PSMA8: variants seen among roughly 807,000 people sequenced by gnomAD.
PSMA8 encodes the protein proteasome subunit alpha-type 8.
PSMA8 carries 18 observed loss-of-function variants against 32.4 expected under a neutral mutation model. That is an observed-to-expected ratio of 0.56 (90% confidence interval 0.38 to 0.82). The LOEUF is 0.82. Ranked by LOEUF, PSMA8 falls within the 40% of genes least tolerant of loss-of-function variation. The pLI is 0.00. For synonymous variants in PSMA8, 104 were observed against 98.1 expected, an observed-to-expected ratio of 1.06 and a Z score of -0.36; for missense variants, 298 against 300.7, an observed-to-expected ratio of 0.99 and a Z score of 0.07.
At chr18:26,141,022 TTGTA>T (rs1214059917) in intron 1 of PSMA8, among the ~76,000 whole-genome samples, 33 of 152,206 alleles carry the variant, frequency 2.2e-4, no homozygotes, top group Non-Finnish European at 4.6e-4. Flanking sequence ...TTTTCCACAC[TTGTA>T]TGTATTTCTT....
At chr18:26,151,090 A>G (rs1385532115) in intron 2 of PSMA8, among the ~76,000 whole-genome samples, 1 of 152,240 alleles carries the variant, frequency 6.6e-6, no homozygotes. Context: ...CATATTAACT[A>G]TCTTCAGGGA....
chr18:26,169,194 C>A (rs1388440780), intron 4 of PSMA8, among the ~76,000 whole-genome samples: 1 of 131,634 alleles, frequency 7.6e-6, no homozygotes, highest in Non-Finnish European at 1.5e-5. Context: ...GTTGCCCAAG[C>A]TGGTCTCAAG....
At chr18:26,175,643 C>T (rs1377231595) in intron 4 of PSMA8, among the ~76,000 whole-genome samples, 1 of 152,154 alleles carries the variant, frequency 6.6e-6, no homozygotes, top group African/African-American at 2.4e-5. Context: ...GTTTTTGTTT[C>T]TGGAGGTGTA....
intron 3 of PSMA8, among the ~76,000 whole-genome samples, chr18:26,153,054 G>C (rs1011999711): frequency 6.6e-6 from 1 of 152,072 alleles, no homozygotes; most frequent in African/African-American, 2.4e-5. Flanking sequence ...GATCAGATAT[G>C]ATTTCTCCTC....
At chr18:26,162,595 G>A (rs140889092) in intron 4 of PSMA8, among the ~76,000 whole-genome samples, 6 of 152,306 alleles carry the variant, frequency 3.9e-5, no homozygotes, top group African/African-American at 1.2e-4. Context: ...GCTGGGCGCG[G>A]TGTCTCATGC....
chr18:26,171,471 CG>C (rs1254745761), intron 4 of PSMA8, among the ~76,000 whole-genome samples: 4 of 152,194 alleles, frequency 2.6e-5, no homozygotes, highest in African/African-American at 9.7e-5. Context: ...CAGTGGCTCA[CG>C]CCTGTAATCC....
chr18:26,179,039 A>G, intron 5 of PSMA8, 29 bp from the exon 6 acceptor site: 1 of 1,608,892 alleles, frequency 6.2e-7, no homozygotes, highest in Non-Finnish European at 8.5e-7. Flanking sequence ...TGCTGAAATA[A>G]TTCTAATAGT....
At chr18:26,178,556 G>T (rs983764250) in intron 4 of PSMA8, among the ~76,000 whole-genome samples, 1 of 150,054 alleles carries the variant, frequency 6.7e-6, no homozygotes, top group Non-Finnish European at 1.5e-5. Context: ...CTATAATTGT[G>T]CCACTACTGC....
intron 2 of PSMA8, among the ~76,000 whole-genome samples, chr18:26,148,673 T>A (rs962111743): frequency 6.6e-6 from 1 of 152,048 alleles, no homozygotes; most frequent in African/African-American, 2.4e-5. Context: ...CCAGAGCAGT[T>A]AGGAAAGAAA....
chr18:26,142,285 C>G (rs1353265887), intron 1 of PSMA8, among the ~76,000 whole-genome samples: 1 of 152,024 alleles, frequency 6.6e-6, no homozygotes, highest in African/African-American at 2.4e-5. Flanking sequence ...GTGATCCACC[C>G]ACCTCGGCCT....
intron 6 of PSMA8, among the ~76,000 whole-genome samples, chr18:26,190,816 C>T (rs180932062): frequency 5.9e-5 from 9 of 152,282 alleles, no homozygotes; most frequent in African/African-American, 2.2e-4. Flanking sequence ...CAAGTAATAC[C>T]ACATCACTTT....
intron 1 of PSMA8, 74 bp downstream of exon 1, chr18:26,134,141 C>A: frequency 1.9e-6 from 2 of 1,072,572 alleles, no homozygotes; most frequent in African/African-American, 1.5e-5. Context: ...TGCCCCAGCC[C>A]ACCTTTCCAT....
chr18:26,165,514 A>C (rs1194201148), intron 4 of PSMA8, among the ~76,000 whole-genome samples: 6 of 152,218 alleles, frequency 3.9e-5, no homozygotes, highest in African/African-American at 7.2e-5. Context: ...ATTTGGCTAT[A>C]AACAGGAGCA....
intron 4 of PSMA8, among the ~76,000 whole-genome samples, chr18:26,158,544 C>T (rs375347912): frequency 2.6e-5 from 4 of 152,198 alleles, no homozygotes; most frequent in East Asian, 1.9e-4. Context: ...ACTATATAGA[C>T]GCTTGCTTCA....
intron 4 of PSMA8, among the ~76,000 whole-genome samples, chr18:26,159,893 T>C (rs575711326): frequency 1.1e-3 from 172 of 150,766 alleles, no homozygotes; most frequent in Non-Finnish European, 2.1e-3. Context: ...GAGGGAAATA[T>C]TACGCAGCTT....
chr18:26,173,484 C>T (rs2055240288), intron 4 of PSMA8, among the ~76,000 whole-genome samples: 1 of 151,986 alleles, frequency 6.6e-6, no homozygotes, highest in South Asian at 2.1e-4. Context: ...TTACATATTT[C>T]CTTGTTTACC....
intron 3 of PSMA8, among the ~76,000 whole-genome samples, chr18:26,157,611 T>G (rs988890691): frequency 6.6e-6 from 1 of 152,178 alleles, no homozygotes; most frequent in Non-Finnish European, 1.5e-5. Flanking sequence ...TTTCTTGTTT[T>G]GGGAATGAAA....
intron 2 of PSMA8, among the ~76,000 whole-genome samples, 175 bp from the exon 3 acceptor site, chr18:26,151,683 A>C (rs1345146187): frequency 1.3e-5 from 2 of 152,258 alleles, no homozygotes; most frequent in African/African-American, 4.8e-5. Context: ...ATCTTGAAAT[A>C]AATCAGAATG....
At chr18:26,151,032 G>A (rs1392819159) in intron 2 of PSMA8, among the ~76,000 whole-genome samples, 1 of 152,164 alleles carries the variant, frequency 6.6e-6, no homozygotes, top group Non-Finnish European at 1.5e-5. Context: ...CTGAGTATCT[G>A]ATTACAATTT....
Sources: allele counts gnomAD v4.1 joint callset (sites outside exome capture counted in the v4.1 genomes callset), GRCh38; gene constraint gnomAD v4.1.1; transcripts MANE v1.5; gene names NCBI Gene and HGNC (gene_info 2026-07-23, HGNC 2026-07-21).